The following MIPEP variants were observed in gnomAD, a reference collection of about 807,000 sequenced individuals.
The protein encoded by MIPEP is mitochondrial intermediate peptidase.
A neutral mutation model predicts 90.3 loss-of-function variants in MIPEP; 79 were observed. The observed-to-expected ratio is 0.87, with a 90% CI of 0.73 to 1.05. The LOEUF is 1.05. Among genes scored for constraint, MIPEP ranks in the 50% least tolerant of loss-of-function variants. The probability of loss-of-function intolerance (pLI) is 0.00; values close to 1 mark genes in which losing one functional copy is unlikely to be tolerated. For missense variants in MIPEP, 940 were observed against 905.6 expected (o/e 1.04, Z -0.49); for synonymous variants, 334 against 315.8 (o/e 1.06, Z -0.61).
At chr13:23,844,174 C>A (rs376809567) in intron 10 of MIPEP, among the ~76,000 whole-genome samples, 648 of 7,368 alleles carry the variant, frequency 0.088, 2 homozygotes, top group African/African-American at 0.11. Flanking sequence ...AAGGGCGATG[C>A]GGGCAGAGAA....
At chr13:23,861,240 T>C (rs1477087492) in intron 9 of MIPEP, among the ~76,000 whole-genome samples, 2 of 152,224 alleles carry the variant, frequency 1.3e-5, no homozygotes, top group Non-Finnish European at 2.9e-5. Context: ...ATAAGCTATA[T>C]ACAAATATCT....
intron 18 of MIPEP, among the ~76,000 whole-genome samples, chr13:23,732,402 T>C (rs112258206): frequency 9.9e-5 from 15 of 151,070 alleles, no homozygotes; most frequent in African/African-American, 2.7e-4. Context: ...AAACTAAACA[T>C]AGACCTACAC....
chr13:23,834,780 G>A (rs1868951372), intron 14 of MIPEP, among the ~76,000 whole-genome samples: 1 of 152,130 alleles, frequency 6.6e-6, no homozygotes, highest in African/African-American at 2.4e-5. Flanking sequence ...CTCAGGCAGG[G>A]AGCAATCACT....
intron 16 of MIPEP, among the ~76,000 whole-genome samples, chr13:23,770,228 T>G (rs1456260710): frequency 6.6e-6 from 1 of 152,152 alleles, no homozygotes; most frequent in African/African-American, 2.4e-5. Context: ...CCTGTCACTC[T>G]CCCGTTGTTC....
At chr13:23,861,889 T>C (rs1398356731) in intron 9 of MIPEP, among the ~76,000 whole-genome samples, 6 of 152,182 alleles carry the variant, frequency 3.9e-5, no homozygotes, top group African/African-American at 9.7e-5. Context: ...AAATACTCAA[T>C]TGGGCACCAT....
In MIPEP at chr13:23,837,594, T is replaced by C. The variant is rs752682243; in HGVS notation, c.1501A>G (p.Met501Val). 4.3e-6 allele frequency: 7 copies of C among 1,614,102 alleles called. 1 individual carries two copies. Among genetic ancestry groups the C allele is most frequent in the Non-Finnish European group, 5.9e-6 (7 of 1,179,956 alleles). Residue 501 changes from methionine to valine, a missense_variant, in exon 13 of 19, where the codon ATG becomes GTG. Coordinates refer to ENST00000382172, the MANE Select transcript of MIPEP (RefSeq NM_005932.4). ...ENLFHEMGHA[M>V]HSMLGRTRYQ... is the part of the protein sequence containing the mutation. ...CGAGTACGTCCTAGCATTGAATGCA[T>C]GGCATGTCCCATTTCATGGAAAAGA...
intron 15 of MIPEP, among the ~76,000 whole-genome samples, chr13:23,808,608 G>C (rs940266065): frequency 2.4e-4 from 36 of 152,108 alleles, no homozygotes; most frequent in Admixed American, 7.9e-4. Context: ...AAAATTATCA[G>C]AACACTTTTT....
intron 14 of MIPEP, among the ~76,000 whole-genome samples, chr13:23,817,873 T>C (rs1434798946): frequency 6.6e-6 from 1 of 152,180 alleles, no homozygotes; most frequent in African/African-American, 2.4e-5. Flanking sequence ...GAACACTTAA[T>C]AACTCAATAA....
Position 23,864,128 on chromosome 13 carries a change from A to T in MIPEP, c.992+13T>A. The T allele has an allele frequency of 6.8e-7, 1 of 1,472,216 alleles. No homozygotes were observed. The highest frequency in any genetic ancestry group is 9.3e-7 in the Non-Finnish European group (1 of 1,077,694). 91.2% of individuals were successfully genotyped at this position (1,472,216 alleles called of 1,614,324 possible). ...ATATAACCAAAAAACTAAATAGTAGAATAAAAACTAACCTTTCAGAAAGTT... is the reference window on the plus strand; with the variant it reads ...ATATAACCAAAAAACTAAATAGTAGTATAAAAACTAACCTTTCAGAAAGTT... On this transcript the variant is annotated intron_variant, in intron 8 of 18. Transcript: ENST00000382172.
chr13:23,757,676 T>C (rs1952502121), intron 17 of MIPEP, among the ~76,000 whole-genome samples: 2 of 152,054 alleles, frequency 1.3e-5, no homozygotes, highest in African/African-American at 4.8e-5. Flanking sequence ...GTGCGGGTGA[T>C]AAAGGCACAG....
At chr13:23,784,717 G>A (rs1952818941) in intron 16 of MIPEP, among the ~76,000 whole-genome samples, 1 of 152,164 alleles carries the variant, frequency 6.6e-6, no homozygotes, top group Admixed American at 6.5e-5. Flanking sequence ...TAGAATGGGA[G>A]GAAATTTTTG....
intron 10 of MIPEP, among the ~76,000 whole-genome samples, chr13:23,846,834 T>C (rs2137473355): frequency 6.6e-6 from 1 of 152,184 alleles, no homozygotes; most frequent in Non-Finnish European, 1.5e-5. Context: ...CAAATGATGA[T>C]GATGATGATG....
intron 2 of MIPEP, 90 bp from the exon 3 acceptor site, chr13:23,881,877 G>A (rs765966474): frequency 6.0e-6 from 6 of 1,005,432 alleles, no homozygotes; most frequent in Middle Eastern, 5.9e-4. Flanking sequence ...TGGGTTTTAA[G>A]ATGTGCCATT....
chr13:23,752,897 C>T (rs1739026376), intron 18 of MIPEP, among the ~76,000 whole-genome samples: 3 of 152,036 alleles, frequency 2.0e-5, no homozygotes, highest in Admixed American at 1.3e-4. Flanking sequence ...ACACCCCACC[C>T]CCTTCAGAGA....
intron 18 of MIPEP, among the ~76,000 whole-genome samples, chr13:23,744,601 T>C (rs1952365139): frequency 1.3e-5 from 2 of 152,214 alleles, no homozygotes; most frequent in South Asian, 2.1e-4. Flanking sequence ...GCAACATGCA[T>C]AGTACTTGGC....
intron 18 of MIPEP, among the ~76,000 whole-genome samples, chr13:23,741,694 CA>C (rs35149279): frequency 6.7e-6 from 1 of 149,556 alleles, no homozygotes; most frequent in Non-Finnish European, 1.5e-5. Context: ...GGAGGGAGAG[CA>C]AAAAAAAATA....
At chr13:23,871,243 G>C (rs982928298) in intron 5 of MIPEP, among the ~76,000 whole-genome samples, 1 of 152,186 alleles carries the variant, frequency 6.6e-6, no homozygotes, top group Admixed American at 6.5e-5. Context: ...GTTTAATCTT[G>C]CAGTCATATC....
rs766397520 is a variant in MIPEP, at chr13:23,837,791, G to GT, written c.1339-36dup. 3.2e-6 allele frequency: 5 copies of GT among 1,539,694 alleles called. No individual in the cohort carries two copies. In the African/African-American group the frequency reaches 6.8e-5, roughly 21 times the overall value. ...TCAGAAAACATAAAAGGAAAAGAAA[G>GT]TATTTGGTAATGTGAAGAGTAAAAC... is the stretch of plus-strand genomic sequence containing the variant. On this transcript the variant is annotated intron_variant, in intron 12 of 18. Transcript: ENST00000382172.
intron 14 of MIPEP, among the ~76,000 whole-genome samples, chr13:23,817,808 T>C (rs1953258477): frequency 6.6e-6 from 1 of 152,148 alleles, no homozygotes; most frequent in South Asian, 2.1e-4. Flanking sequence ...GTTTTACTGA[T>C]ACTTCAACAA....
Sources: gnomAD v4.1 joint callset for allele counts (sites outside exome capture counted in the v4.1 genomes callset) on GRCh38, gnomAD v4.1.1 for gene constraint, MANE v1.5 for transcripts, NCBI Gene and HGNC (gene_info 2026-07-23, HGNC 2026-07-21) for gene names.